The following AKR1C3 variants were observed in gnomAD, a reference collection of about 807,000 sequenced individuals.
AKR1C3 encodes 3-alpha hydroxysteroid dehydrogenase, type II.
In AKR1C3, 48 loss-of-function variants were observed where a neutral mutation model predicts 43.6. The ratio of observed to expected loss-of-function variants is 1.10; its 90% CI spans 0.87 to 1.40. The LOEUF is 1.40. Among genes scored for constraint, AKR1C3 ranks in the 40% most tolerant of loss-of-function variants. The pLI is 0.00. For missense variants in AKR1C3, 482 were observed against 391.2 expected, an observed-to-expected ratio of 1.23 and a Z score of -1.96; for synonymous variants, 162 against 139.6, an observed-to-expected ratio of 1.16 and a Z score of -1.13.
intron 1 of AKR1C3, among the ~76,000 whole-genome samples, chr10:5,049,961 C>T (rs1324806220): frequency 6.6e-6 from 1 of 152,208 alleles, no homozygotes; most frequent in Non-Finnish European, 1.5e-5. Flanking sequence ...CTGCACCTTC[C>T]ATGTAGGCCT....
chr10:5,102,325 A>C (rs1839376382), intron 6 of AKR1C3, 115 bp downstream of exon 6: 3 of 1,589,770 alleles, frequency 1.9e-6, no homozygotes, highest in African/African-American at 1.4e-5. Flanking sequence ...GAGGAAAGAG[A>C]ATTGCATTTC....
upstream of AKR1C3, among the ~76,000 whole-genome samples, chr10:5,092,547 A>T (rs2131832258): frequency 6.7e-6 from 1 of 148,946 alleles, no homozygotes; most frequent in Admixed American, 6.8e-5. Flanking sequence ...CATGTAGATT[A>T]TATCTTCATT....
intron 8 of AKR1C3, among the ~76,000 whole-genome samples, chr10:5,106,295 C>T (rs1422777532): frequency 6.6e-6 from 1 of 152,082 alleles, no homozygotes; most frequent in Non-Finnish European, 1.5e-5. Flanking sequence ...ATGGAGCTCT[C>T]AAGGCAGAGA....
At chr10:5,088,919 C>T (rs1222828337) in intron 1 of AKR1C3, among the ~76,000 whole-genome samples, 1 of 151,848 alleles carries the variant, frequency 6.6e-6, no homozygotes, top group Non-Finnish European at 1.5e-5. Flanking sequence ...TACTTCATGT[C>T]CTTTTATGAT....
intron 1 of AKR1C3, among the ~76,000 whole-genome samples, chr10:5,058,920 A>G (rs960757974): frequency 6.6e-5 from 10 of 152,318 alleles, no homozygotes; most frequent in Admixed American, 4.6e-4. Flanking sequence ...ACCGGTTAGT[A>G]TTAGGACTTT....
intron 1 of AKR1C3, among the ~76,000 whole-genome samples, chr10:5,066,980 G>A (rs1044230687): frequency 8.5e-5 from 13 of 152,178 alleles, no homozygotes; most frequent in Admixed American, 2.6e-4. Context: ...AAGAGTGAAG[G>A]CCTCCTGGCA....
intron 1 of AKR1C3, among the ~76,000 whole-genome samples, chr10:5,061,516 A>T (rs1838382685): frequency 6.6e-6 from 1 of 152,188 alleles, no homozygotes; most frequent in Non-Finnish European, 1.5e-5. Flanking sequence ...TCAGATATGG[A>T]AGAGGTTTAG....
At position 5,094,448 on chromosome 10, in the gene AKR1C3, G is replaced by T. The variant is rs183569513; in HGVS notation, c.4G>T (p.Asp2Tyr). 117 of 1,611,966 alleles carry T rather than the reference G, an allele frequency of 7.3e-5. No individual in the cohort carries two copies. The Admixed American group carries it at 1.9e-3, about 26-fold the overall frequency. ...CTAGTCAGACAAGTGACAGGGAATG[G>T]ATTCCAAACACCAGTGTGTAAAGCT... Reference protein sequence around the residue: MDSKHQCVKLND... With the variant: MYSKHQCVKLND... Residue 2 changes from aspartate to tyrosine, a missense_variant, in exon 1 of 9, where the codon GAT (aspartate) becomes TAT (tyrosine). Transcript: ENST00000380554.
intron 8 of AKR1C3, 34 bp downstream of exon 8, chr10:5,105,711 A>G (rs1289179480): frequency 3.2e-6 from 5 of 1,549,076 alleles, no homozygotes; most frequent in Non-Finnish European, 4.4e-6. Flanking sequence ...GATCTAATTT[A>G]TTTCTGGAGA....
At chr10:5,104,643 G>C (rs1412108968) in intron 7 of AKR1C3, among the ~76,000 whole-genome samples, 11 of 152,068 alleles carry the variant, frequency 7.2e-5, no homozygotes, top group Non-Finnish European at 1.0e-4. Context: ...GGTTGATATT[G>C]TATTGAAACT....
At chr10:5,071,002 T>C (rs1226924990) in intron 1 of AKR1C3, among the ~76,000 whole-genome samples, 3 of 152,206 alleles carry the variant, frequency 2.0e-5, no homozygotes, top group Non-Finnish European at 4.4e-5. Flanking sequence ...TTTGCTTCTA[T>C]GGGGTGGTAT....
At chr10:5,101,307 T>A (rs1279135324) in intron 5 of AKR1C3, among the ~76,000 whole-genome samples, 1 of 152,226 alleles carries the variant, frequency 6.6e-6, no homozygotes. Flanking sequence ...AATACTTTTG[T>A]ATTTAATGGT....
At chr10:5,050,561 G>T (rs1251971718) in intron 1 of AKR1C3, among the ~76,000 whole-genome samples, 1 of 151,862 alleles carries the variant, frequency 6.6e-6, no homozygotes, top group Non-Finnish European at 1.5e-5. Flanking sequence ...TAACAACAAT[G>T]GCACATTGTA....
intron 1 of AKR1C3, among the ~76,000 whole-genome samples, chr10:5,080,565 A>G (rs868985092): frequency 2.0e-5 from 3 of 152,310 alleles, no homozygotes; most frequent in Middle Eastern, 6.8e-3. Flanking sequence ...TGCAGGTTGC[A>G]GTAAGCTGAG....
At chr10:5,087,376 C>CTTTTT (rs1564364889) in intron 1 of AKR1C3, among the ~76,000 whole-genome samples, 5 of 45,366 alleles carry the variant, frequency 1.1e-4, no homozygotes, top group South Asian at 1.0e-3. Context: ...TTTATCATTT[C>CTTTTT]TTTCTTTTTT....
At chr10:5,103,243 C>T (rs1036659785) in intron 7 of AKR1C3, among the ~76,000 whole-genome samples, 1 of 152,148 alleles carries the variant, frequency 6.6e-6, no homozygotes, top group Non-Finnish European at 1.5e-5. Context: ...GTCTACCAGT[C>T]ATTGTGGATT....
chr10:5,098,924 G>A, intron 4 of AKR1C3, 45 bp downstream of exon 4: 2 of 1,491,128 alleles, frequency 1.3e-6, no homozygotes, highest in Non-Finnish European at 1.8e-6. Flanking sequence ...GACAAAAAGA[G>A]AAAATCTGTT....
chr10:5,080,730 C>T (rs1485477829), intron 1 of AKR1C3: 2 of 152,312 alleles, frequency 1.3e-5, no homozygotes, highest in African/African-American at 2.4e-5. Context: ...CTATCTGTGT[C>T]TCACTTTCTT....
rs77828335 is a variant in AKR1C3 at position 5,049,613 on chromosome 10, G to C, written c.84+718G>C. Among the ~76,000 whole-genome samples, 349 of 152,286 alleles carry C rather than the reference G, an allele frequency of 2.3e-3. 1 individual carries two copies. The highest frequency in any genetic ancestry group is 7.9e-3 in the African/African-American group (329 of 41,552). ...AGCAAAATGGAGACTTTATTTTATA[G>C]ACTAAACTATTTCTACACTGGAAGA... is the stretch of plus-strand genomic sequence containing the variant. On this transcript the variant is annotated intron_variant, in intron 1 of 8. Coordinates refer to the AKR1C3 transcript ENST00000439082.
Sources: allele counts gnomAD v4.1 joint callset (sites outside exome capture counted in the v4.1 genomes callset), GRCh38; gene constraint gnomAD v4.1.1; transcripts MANE v1.5; gene names NCBI Gene and HGNC (gene_info 2026-07-23, HGNC 2026-07-21).